Variants in CCDC34 observed in about 807,000 individuals in gnomAD.
CCDC34 encodes the protein coiled-coil domain containing 34, also known as coiled-coil domain-containing protein 34.
In CCDC34, 40 loss-of-function variants were observed where a neutral mutation model predicts 44.1. The ratio of observed to expected loss-of-function variants is 0.91; its 90% CI spans 0.70 to 1.18. CCDC34 has a LOEUF of 1.18. Among genes scored for constraint, CCDC34 ranks in the 50% most tolerant of loss-of-function variants. The pLI is 0.00. For synonymous variants in CCDC34, 159 were observed against 158.2 expected, an observed-to-expected ratio of 1.01 and a Z score of -0.04; for missense variants, 466 against 452.3, an observed-to-expected ratio of 1.03 and a Z score of -0.28.
At chr11:27,346,065 C>A (rs1250769584) in intron 3 of CCDC34, among the ~76,000 whole-genome samples, 1 of 151,194 alleles carries the variant, frequency 6.6e-6, no homozygotes, top group Non-Finnish European at 1.5e-5. Context: ...AAACTACCAA[C>A]AATTAAAAAA....
intron 4 of CCDC34, among the ~76,000 whole-genome samples, chr11:27,341,094 T>G (rs1183963949): frequency 6.6e-6 from 1 of 152,156 alleles, no homozygotes; most frequent in Non-Finnish European, 1.5e-5. Context: ...GAATAGTAAT[T>G]TATAAAATGG....
intron 2 of CCDC34, among the ~76,000 whole-genome samples, chr11:27,356,822 C>T (rs1862581929): frequency 6.8e-6 from 1 of 147,346 alleles, no homozygotes; most frequent in Non-Finnish European, 1.5e-5. Context: ...AGCAGTTTCC[C>T]ACCGCCCAGC....
At chr11:27,341,940 T>G (rs990187680) in intron 3 of CCDC34, among the ~76,000 whole-genome samples, 2 of 152,140 alleles carry the variant, frequency 1.3e-5, no homozygotes, top group Non-Finnish European at 2.9e-5. Flanking sequence ...GTTCTCATGA[T>G]GGTGAATAAG....
intron 1 of CCDC34, 64 bp downstream of exon 1, chr11:27,362,772 G>T: frequency 6.5e-7 from 1 of 1,535,296 alleles, no homozygotes; most frequent in Non-Finnish European, 8.8e-7. Context: ...GTTAGAAGGG[G>T]GTACTTAAGA....
At chr11:27,358,970 C>CCCA (rs1280762240) in intron 1 of CCDC34, among the ~76,000 whole-genome samples, 2 of 117,894 alleles carry the variant, frequency 1.7e-5, no homozygotes, top group South Asian at 5.3e-4. Context: ...CCCCCCCCCC[C>CCCA]ACCGCCACCA....
Position 27,338,881 on chromosome 11 carries a change from C to T in CCDC34, c.1062G>A (p.Leu354=). The change falls in exon 6 of 6, where the codon CTG becomes CTA. Residue 354 remains leucine, a synonymous_variant. Transcript: ENST00000328697. The stretch of plus-strand genomic sequence containing the variant: ...GATTGCTCCTGGCTTTATGAATTAC[C>T]AGAGATGATGACTTGTGTGGCTGAC... The part of the protein sequence containing the change: ...VISQPHKSSS[L]VIHKARSNLC... The T allele has an allele frequency of 1.2e-6, 2 of 1,613,876 alleles. No homozygotes were observed. Among genetic ancestry groups the T allele is most frequent in the Non-Finnish European group, 1.7e-6 (2 of 1,179,902 alleles).
At position 27,341,539 on chromosome 11, in the gene CCDC34, T is replaced by G. The variant is rs1160882404; in HGVS notation, c.618A>C (p.Glu206Asp). ...VQKKNEQKRK[E>D]REQKINKEME... The stretch of plus-strand genomic sequence containing the variant: ...TTTCTTTATTAATTTTTTGTTCTCT[T>G]TCTTTTCTTTTCTTAAATAAAAATA... The change falls in exon 4 of 6, where the codon GAA becomes GAC. Residue 206 changes from glutamate (E) to aspartate (D), a missense_variant. By Grantham distance (45) the Glu-to-Asp change is conservative (BLOSUM62 2). Coordinates refer to ENST00000328697, the MANE Select transcript of CCDC34 (RefSeq NM_030771.2). The G allele has an allele frequency of 2.4e-6, 3 of 1,251,644 alleles. No individual in the cohort carries two copies. In the African/African-American group the frequency reaches 4.6e-5, roughly 19 times the overall value. The allele number at this position is 1,251,644 out of a possible 1,614,324, so 77.5% of individuals were successfully genotyped here.
chr11:27,348,945 T>C (rs777995893), intron 3 of CCDC34: 7 of 985,196 alleles, frequency 7.1e-6, no homozygotes, highest in Non-Finnish European at 8.4e-6. Context: ...TAGTGATTTA[T>C]GTCAGGGCAA....
Position 27,350,126 on chromosome 11 carries a change from C to A in CCDC34, c.606+206G>T, listed in dbSNP as rs1412589919. 20 of 1,433,778 alleles carry A rather than the reference C, an allele frequency of 1.4e-5. No homozygotes were observed. In the East Asian group the frequency reaches 1.5e-4, roughly 11 times the overall value. The allele number at this position is 1,433,778 out of a possible 1,614,324, so 88.8% of individuals were successfully genotyped here. On this transcript the variant is annotated intron_variant, in intron 3 of 5. Transcript: ENST00000328697. ...GCCTGCAGGCAAATATTAGTGCAAG[C>A]CACAGGAGGGAAAAAGGAGAAAAGT...
chr11:27,339,026 C>A lies in CCDC34; in HGVS notation c.917G>T (p.Ser306Ile). The A allele has an allele frequency of 6.2e-7, 1 of 1,600,624 alleles. No homozygotes were observed. The highest frequency in any genetic ancestry group is 1.7e-4 in the Middle Eastern group (1 of 6,026). The change falls in exon 6 of 6, where the codon AGT becomes ATT. Residue 306 changes from serine to isoleucine, a missense_variant. Ser to Ile is a moderately radical substitution (Grantham distance 142). Coordinates refer to ENST00000328697, the MANE Select transcript of CCDC34 (RefSeq NM_030771.2). The part of the protein sequence containing the change: ...YANGKLTGFY[S>I]GNSYPEPAFY... ...GGCTGGTTCTGGATAGGAATTTCCACTGTAAAAACCTAAAATTATTGAAAA... is the reference window on the plus strand; with the variant it reads ...GGCTGGTTCTGGATAGGAATTTCCAATGTAAAAACCTAAAATTATTGAAAA...
At chr11:27,347,232 G>A (rs1310969602) in intron 3 of CCDC34, among the ~76,000 whole-genome samples, 1 of 152,190 alleles carries the variant, frequency 6.6e-6, no homozygotes, top group Non-Finnish European at 1.5e-5. Flanking sequence ...AAGATGTGGA[G>A]CAACTGGAAC....
rs184183485 is a variant in CCDC34, at chr11:27,356,265, C to A, written c.498+1138G>T. On this transcript the variant is annotated intron_variant, in intron 2 of 5. Transcript: ENST00000328697. ...TCCCAACCTCAGGTGATCCACCTGC[C>A]TCGGCCTCCCAAAGTGCTGGCATTA... Among the ~76,000 whole-genome samples, 612 of 151,942 alleles carry A rather than the reference C, an allele frequency of 4.0e-3. 3 individuals carry two copies. The highest frequency in any genetic ancestry group is 6.2e-3 in the Non-Finnish European group (424 of 67,940).
At chr11:27,358,969 C>T (rs1268704519) in intron 1 of CCDC34, among the ~76,000 whole-genome samples, 5 of 146,640 alleles carry the variant, frequency 3.4e-5, no homozygotes, top group Non-Finnish European at 7.5e-5. Flanking sequence ...CCCCCCCCCC[C>T]CACCGCCACC....
At chr11:27,344,110 TA>T (rs1449211527) in intron 3 of CCDC34, among the ~76,000 whole-genome samples, 1 of 152,170 alleles carries the variant, frequency 6.6e-6, no homozygotes, top group African/African-American at 2.4e-5. Flanking sequence ...CCATTACAGT[TA>T]AAGATACTCC....
chr11:27,353,432 T>C (rs900469466), intron 2 of CCDC34, among the ~76,000 whole-genome samples: 2 of 151,970 alleles, frequency 1.3e-5, no homozygotes, highest in East Asian at 3.9e-4. Context: ...CCAATGACCA[T>C]AGAGAACCTG....
At chr11:27,356,312 G>T (rs1463118618) in intron 2 of CCDC34, among the ~76,000 whole-genome samples, 1 of 151,612 alleles carries the variant, frequency 6.6e-6, no homozygotes, top group Non-Finnish European at 1.5e-5. Context: ...CGCCATGCCC[G>T]GCCAATTCCC....
chr11:27,348,072 C>T (rs1862457436), intron 3 of CCDC34, among the ~76,000 whole-genome samples: 1 of 152,050 alleles, frequency 6.6e-6, no homozygotes, highest in Non-Finnish European at 1.5e-5. Context: ...TAGTTCTACA[C>T]CACACAGAGC....
intron 1 of CCDC34, among the ~76,000 whole-genome samples, chr11:27,361,591 T>TG (rs1862665647): frequency 6.6e-6 from 1 of 152,224 alleles, no homozygotes; most frequent in Non-Finnish European, 1.5e-5. Context: ...ACAACCAGCC[T>TG]GGATGAGTGG....
intron 3 of CCDC34, 125 bp downstream of exon 3, chr11:27,350,207 C>T (rs1279766974): frequency 1.3e-6 from 2 of 1,574,986 alleles, no homozygotes; most frequent in East Asian, 2.3e-5. Flanking sequence ...GATAGAAAAA[C>T]AAAACAAGCC....
Sources: gnomAD v4.1 joint callset for allele counts (sites outside exome capture counted in the v4.1 genomes callset) on GRCh38, gnomAD v4.1.1 for gene constraint, MANE v1.5 for transcripts, NCBI Gene and HGNC (gene_info 2026-07-23, HGNC 2026-07-21) for gene names.